Variants in PDE3B observed in about 807,000 individuals in gnomAD.
PDE3B encodes the protein phosphodiesterase 3B.
A neutral mutation model predicts 116.8 loss-of-function variants in PDE3B; 66 were observed. The observed-to-expected ratio is 0.56, with a 90% confidence interval of 0.46 to 0.69. The LOEUF (loss-of-function observed/expected upper bound fraction) is 0.69. Among genes scored for constraint, PDE3B ranks in the 30% least tolerant of loss-of-function variants. The probability of loss-of-function intolerance (pLI) is 0.00; values close to 1 mark genes in which losing one functional copy is unlikely to be tolerated. For missense variants in PDE3B, 1,384 were observed against 1,368.1 expected (o/e 1.01, Z -0.18); for synonymous variants, 595 against 533.6 (o/e 1.12, Z -1.59).
intron 1 of PDE3B, among the ~76,000 whole-genome samples, chr11:14,684,629 T>C (rs1202403091): frequency 6.6e-6 from 1 of 152,160 alleles, no homozygotes; most frequent in East Asian, 1.9e-4. Flanking sequence ...CTAGTAAGCC[T>C]GAGGGTACTG....
chr11:14,807,985 G>A (rs541562274), intron 5 of PDE3B, among the ~76,000 whole-genome samples: 14 of 151,788 alleles, frequency 9.2e-5, no homozygotes, highest in Non-Finnish European at 1.9e-4. Flanking sequence ...GCTTGAACCC[G>A]GGAGACAGAG....
At chr11:14,898,543 A>T in the PDE3B span, among the ~76,000 whole-genome samples, 2 of 152,120 alleles carry the variant, frequency 1.3e-5, no homozygotes, top group African/African-American at 4.8e-5. Context: ...ACTTTATAGA[A>T]TTTCAAAATT....
intron 1 of PDE3B, among the ~76,000 whole-genome samples, chr11:14,645,590 A>G (rs189036685): frequency 9.8e-5 from 15 of 152,338 alleles, no homozygotes; most frequent in Admixed American, 9.1e-4. Flanking sequence ...TTTGCAAATG[A>G]GAGTAATTTA....
intron 1 of PDE3B, among the ~76,000 whole-genome samples, chr11:14,723,070 G>A (rs1856170840): frequency 1.3e-5 from 2 of 152,174 alleles, no homozygotes; most frequent in South Asian, 4.1e-4. Flanking sequence ...ATGAAAAATA[G>A]CTAATAACAA....
chr11:14,745,354 T>C (rs990529646), intron 1 of PDE3B, among the ~76,000 whole-genome samples: 4 of 152,222 alleles, frequency 2.6e-5, no homozygotes, highest in African/African-American at 9.6e-5. Context: ...TTTGGTTTTT[T>C]GCTTGAGTCT....
intron 12 of PDE3B, among the ~76,000 whole-genome samples, chr11:14,855,483 TA>T (rs1847832288): frequency 6.6e-6 from 1 of 152,220 alleles, no homozygotes; most frequent in African/African-American, 2.4e-5. Flanking sequence ...TAGGGGAATT[TA>T]TTCATTTATT....
At chr11:14,796,563 A>G (rs550851507) in intron 4 of PDE3B, among the ~76,000 whole-genome samples, 49 of 152,306 alleles carry the variant, frequency 3.2e-4, no homozygotes, top group Middle Eastern at 3.4e-3. Flanking sequence ...TCGCCATTCT[A>G]ACTGGCATGA....
intron 1 of PDE3B, among the ~76,000 whole-genome samples, chr11:14,758,977 AG>A (rs1286239837): frequency 5.9e-5 from 9 of 152,018 alleles, no homozygotes; most frequent in Non-Finnish European, 1.3e-4. Flanking sequence ...TTTAGCATGA[AG>A]GGTTGTTGAA....
intron 4 of PDE3B, among the ~76,000 whole-genome samples, chr11:14,794,579 G>T (rs1245826756): frequency 6.6e-6 from 1 of 152,148 alleles, no homozygotes; most frequent in Non-Finnish European, 1.5e-5. Context: ...CTCCCAAAGT[G>T]CTGGGATTAC....
chr11:14,647,242 A>G (rs933646014), intron 1 of PDE3B, among the ~76,000 whole-genome samples: 1 of 152,052 alleles, frequency 6.6e-6, no homozygotes, highest in Non-Finnish European at 1.5e-5. Flanking sequence ...GTGAAGGAAG[A>G]TGAAAAGATT....
chr11:14,878,274 G>A, the PDE3B span: 1 of 1,613,006 alleles, frequency 6.2e-7, no homozygotes, highest in Non-Finnish European at 8.5e-7. Context: ...CGAGCCAAGT[G>A]TTCTCCAAGA....
rs529409296 is a variant in PDE3B at position 14,856,302 on chromosome 11, T to C, written c.2521-2741T>C. ...GTGATTCAATTAAACCTCTTTTGTT[T>C]ATAAATTACCTAGTCTCAGGTAGTA... On this transcript the variant is annotated intron_variant, in intron 12 of 15. Transcript: ENST00000282096. Among the ~76,000 whole-genome samples the C allele has an allele frequency of 4.6e-5, 7 of 152,326 alleles. No individual in the cohort carries two copies. The South Asian group carries it at 6.2e-4, about 14-fold the overall frequency.
intron 1 of PDE3B, among the ~76,000 whole-genome samples, chr11:14,743,836 T>C (rs1187732192): frequency 2.0e-5 from 3 of 152,202 alleles, no homozygotes; most frequent in African/African-American, 7.2e-5. Context: ...CCCCTTGCAC[T>C]TCCTGGGTGA....
At chr11:14,757,202 T>C (rs929675357) in intron 1 of PDE3B, among the ~76,000 whole-genome samples, 14 of 151,854 alleles carry the variant, frequency 9.2e-5, no homozygotes, top group Non-Finnish European at 2.9e-5. Context: ...CAGTCTATCA[T>C]TGTTGGACAT....
intron 4 of PDE3B, among the ~76,000 whole-genome samples, chr11:14,795,906 G>C (rs1590151634): frequency 6.6e-6 from 1 of 151,808 alleles, no homozygotes; most frequent in Admixed American, 6.6e-5. Context: ...TTTCAGTTCT[G>C]GGGTACATGT....
At position 14,846,251 on chromosome 11, in the gene PDE3B, T is replaced by G. The variant is rs373906945; in HGVS notation, c.2520+2225T>G. 3.2e-3 allele frequency among the ~76,000 whole-genome samples: 487 copies of G among 151,960 alleles called. 4 individuals carry two copies. In the Middle Eastern group the frequency reaches 0.044, roughly 14 times the overall value. On this transcript the variant is annotated intron_variant, in intron 12 of 15. Transcript: ENST00000282096. ...ATCCAGCCAAACTAAGCTTCATAAG[T>G]AAAGGAGAAATAAAATACTTTACAG...
chr11:14,833,440 C>CAAA, intron 10 of PDE3B, among the ~76,000 whole-genome samples: 1 of 152,106 alleles, frequency 6.6e-6, no homozygotes, highest in South Asian at 2.1e-4. Context: ...TCTGCTTTTT[C>CAAA]ACCTGGTTGT....
intron 1 of PDE3B, among the ~76,000 whole-genome samples, chr11:14,721,489 G>A (rs907840194): frequency 5.3e-4 from 81 of 151,650 alleles, no homozygotes; most frequent in African/African-American, 1.9e-3. Context: ...GTTTATTGTG[G>A]CATTATTCAC....
intron 5 of PDE3B, among the ~76,000 whole-genome samples, chr11:14,805,760 C>A (rs1858897899): frequency 6.6e-6 from 1 of 152,018 alleles, no homozygotes; most frequent in Admixed American, 6.6e-5. Context: ...CAAGAACAAA[C>A]CAAAAGCACT....
Sources: gnomAD v4.1 joint callset for allele counts (sites outside exome capture counted in the v4.1 genomes callset) on GRCh38, gnomAD v4.1.1 for gene constraint, MANE v1.5 for transcripts, NCBI Gene and HGNC (gene_info 2026-07-23, HGNC 2026-07-21) for gene names.